MYLK: variants seen among roughly 807,000 people sequenced by gnomAD.
MYLK encodes myosin light chain kinase, smooth muscle.
A neutral mutation model predicts 203.4 loss-of-function variants in MYLK; 106 were observed. That is an observed-to-expected ratio of 0.52 (90% confidence interval 0.45 to 0.61). The LOEUF is 0.61. MYLK is among the 20% of genes least tolerant of loss of function. MYLK has a pLI of 0.00. For synonymous variants in MYLK, 867 were observed against 959.5 expected (o/e 0.90, Z 1.78); for missense variants, 2,072 against 2,442.3 (o/e 0.85, Z 3.20).
chr3:123,755,696 C>G (rs542196292), intron 4 of MYLK, among the ~76,000 whole-genome samples: 15 of 152,236 alleles, frequency 9.9e-5, no homozygotes, highest in African/African-American at 3.4e-4. Context: ...GACAACAGCC[C>G]TGCCCTCCCA....
chr3:123,663,203 C>T (rs1192713156), intron 23 of MYLK, among the ~76,000 whole-genome samples: 1 of 152,150 alleles, frequency 6.6e-6, no homozygotes, highest in Non-Finnish European at 1.5e-5. Flanking sequence ...CTTGATGCTC[C>T]AGGAGAGAGC....
intron 3 of MYLK, among the ~76,000 whole-genome samples, chr3:123,823,005 A>G (rs2065988458): frequency 6.6e-6 from 1 of 152,180 alleles, no homozygotes; most frequent in Non-Finnish European, 1.5e-5. Context: ...GAGGTCCACG[A>G]ACACATATGA....
intron 5 of MYLK, among the ~76,000 whole-genome samples, chr3:123,746,306 T>C (rs1411822720): frequency 3.8e-5 from 1 of 26,608 alleles, no homozygotes; most frequent in Non-Finnish European, 2.0e-3. Context: ...CTTTATATCC[T>C]AGCACAAAGT....
At chr3:123,813,572 G>A (rs139540780) in intron 3 of MYLK, among the ~76,000 whole-genome samples, 191 of 151,712 alleles carry the variant, frequency 1.3e-3, no homozygotes, top group Middle Eastern at 6.8e-3. Flanking sequence ...ATGCAGTGAC[G>A]TGATCTCAGC....
chr3:123,801,861 C>T (rs185457210), intron 3 of MYLK, among the ~76,000 whole-genome samples: 1 of 152,262 alleles, frequency 6.6e-6, no homozygotes, highest in Non-Finnish European at 1.5e-5. Context: ...CATGTCTTTG[C>T]TATTGGGAAT....
chr3:123,615,343 T>G (rs2057418317), intron 33 of MYLK, among the ~76,000 whole-genome samples: 1 of 150,860 alleles, frequency 6.6e-6, no homozygotes, highest in East Asian at 2.0e-4. Context: ...TCTTTTTCCT[T>G]TTTTTTTTGA....
At chr3:123,676,343 T>A (rs1027245005) in intron 20 of MYLK, among the ~76,000 whole-genome samples, 2 of 152,226 alleles carry the variant, frequency 1.3e-5, no homozygotes, top group Admixed American at 6.5e-5. Context: ...GGGCCCCACA[T>A]CTTTCACTGT....
chr3:123,638,662 C>T, intron 28 of MYLK: 2 of 722,732 alleles, frequency 2.8e-6, no homozygotes, highest in Non-Finnish European at 3.4e-6. Context: ...CAGTGATTTC[C>T]CCACCCGGTT....
intron 13 of MYLK, among the ~76,000 whole-genome samples, chr3:123,717,390 G>C (rs181140303): frequency 1.3e-5 from 2 of 152,272 alleles, no homozygotes; most frequent in Non-Finnish European, 1.5e-5. Context: ...AAATATGCTT[G>C]TTATATTTTA....
At chr3:123,796,910 A>C (rs1419306657) in intron 3 of MYLK, among the ~76,000 whole-genome samples, 1 of 152,232 alleles carries the variant, frequency 6.6e-6, no homozygotes, top group Non-Finnish European at 1.5e-5. Flanking sequence ...TCCTACATTT[A>C]GAAATATATT....
chr3:123,779,092 G>A (rs2064189503), intron 4 of MYLK, among the ~76,000 whole-genome samples: 1 of 152,156 alleles, frequency 6.6e-6, no homozygotes, highest in African/African-American at 2.4e-5. Context: ...TGCATGTGGG[G>A]GACTGACTGG....
chr3:123,637,018 A>G (rs535478404), intron 29 of MYLK, among the ~76,000 whole-genome samples: 1 of 152,364 alleles, frequency 6.6e-6, no homozygotes, highest in African/African-American at 2.4e-5. Context: ...AGAATCGCCC[A>G]GAACCTTCTC....
At chr3:123,812,523 C>T (rs2109241283) in intron 3 of MYLK, among the ~76,000 whole-genome samples, 1 of 152,304 alleles carries the variant, frequency 6.6e-6, no homozygotes, top group East Asian at 1.9e-4. Context: ...GTGGTTTCCC[C>T]TTATCTCTTA....
intron 21 of MYLK, 58 bp from the exon 22 acceptor site, chr3:123,666,404 C>T (rs41376046): frequency 3.4e-4 from 542 of 1,610,438 alleles, no homozygotes; most frequent in Non-Finnish European, 4.5e-4. Flanking sequence ...ATTCTGATCA[C>T]ATTCGACGCC....
chr3:123,744,163 TA>T (rs1158052335), intron 5 of MYLK, among the ~76,000 whole-genome samples: 3 of 152,108 alleles, frequency 2.0e-5, no homozygotes, highest in Non-Finnish European at 4.4e-5. Flanking sequence ...AAAAAGAAAA[TA>T]AATGTAAAGC....
At chr3:123,805,484 A>G (rs1017515534) in intron 3 of MYLK, among the ~76,000 whole-genome samples, 5 of 146,370 alleles carry the variant, frequency 3.4e-5, no homozygotes, top group Admixed American at 2.7e-4. Flanking sequence ...TTCCCATAAA[A>G]ATCTAGGGTT....
chr3:123,785,689 G>A (rs2064484125), intron 4 of MYLK, among the ~76,000 whole-genome samples: 1 of 152,226 alleles, frequency 6.6e-6, no homozygotes, highest in South Asian at 2.1e-4. Flanking sequence ...TGTGTGAGAA[G>A]GCTCTCAATC....
chr3:123,717,839 C>CT (rs10574979), intron 13 of MYLK, among the ~76,000 whole-genome samples: 22 of 94,944 alleles, frequency 2.3e-4, no homozygotes, highest in African/African-American at 9.5e-4. Context: ...TTGAGGGACT[C>CT]TTTTTTTTTT....
chr3:123,760,553 T>G (rs2063502948), intron 4 of MYLK, among the ~76,000 whole-genome samples: 2 of 152,216 alleles, frequency 1.3e-5, no homozygotes, highest in African/African-American at 4.8e-5. Context: ...ACTTTTCCTC[T>G]CTTCTTTTCT....
Sources: allele counts gnomAD v4.1 joint callset (sites outside exome capture counted in the v4.1 genomes callset), GRCh38; gene constraint gnomAD v4.1.1; transcripts MANE v1.5; gene names NCBI Gene and HGNC (gene_info 2026-07-23, HGNC 2026-07-21).